GCNT4: variants seen among roughly 807,000 people sequenced by gnomAD.
GCNT4 encodes the protein glucosaminyl (N-acetyl) transferase 4.
A neutral mutation model predicts 31.3 loss-of-function variants in GCNT4; 17 were observed. The observed-to-expected ratio is 0.54, with a 90% CI of 0.37 to 0.81. The LOEUF (loss-of-function observed/expected upper bound fraction) is 0.81. GCNT4 is among the 40% of genes least tolerant of loss of function. The pLI, the probability that GCNT4 is intolerant of heterozygous loss-of-function variation, is 0.00. For missense variants in GCNT4, 503 were observed against 525.5 expected, an observed-to-expected ratio of 0.96 and a Z score of 0.42; for synonymous variants, 158 against 190.6, an observed-to-expected ratio of 0.83 and a Z score of 1.41.
chr5:75,030,479 C>T (rs1361727181), intron 3 of GCNT4: 1 of 171,638 alleles, frequency 5.8e-6, no homozygotes, highest in Non-Finnish European at 1.4e-5. Context: ...CCTCCAGATC[C>T]CTATTAGATC....
Position 75,028,769 on chromosome 5 carries a change from G to A in GCNT4, c.1269C>T (p.Cys423=). The change falls in exon 4 of 4, where the codon TGC becomes TGT. Residue 423 remains cysteine (C), a synonymous_variant. Coordinates refer to ENST00000652361, the MANE Select transcript of GCNT4 (RefSeq NM_001366737.1). ...DSKVDPILIK[C]LAEKLEEQQR... Reference sequence around the variant, plus strand: ...GCTGTTCTTCAAGCTTTTCTGCCAAGCATTTAATCAAGATAGGGTCCACCT... The same window carrying A: ...GCTGTTCTTCAAGCTTTTCTGCCAAACATTTAATCAAGATAGGGTCCACCT... 6.2e-7 allele frequency: 1 copy of A among 1,613,946 alleles called. No individual in the cohort carries two copies. Among genetic ancestry groups the A allele is most frequent in the African/African-American group, 1.3e-5 (1 of 75,044 alleles).
At chr5:75,053,279 G>A (rs371266068), upstream of GCNT4, among the ~76,000 whole-genome samples, 13 of 152,042 alleles carry the variant, frequency 8.6e-5, no homozygotes, top group South Asian at 2.7e-3. Flanking sequence ...GTGGCCCCGG[G>A]GCTCCTGCAG....
chr5:75,017,127 A>G, the GCNT4 span, among the ~76,000 whole-genome samples: 3 of 152,224 alleles, frequency 2.0e-5, no homozygotes, highest in Admixed American at 2.0e-4. Flanking sequence ...CGTGATGCCT[A>G]GCATCTAATA....
chr5:75,050,745 C>T (rs138522306), intron 2 of GCNT4, among the ~76,000 whole-genome samples: 1 of 142,580 alleles, frequency 7.0e-6, no homozygotes, highest in East Asian at 1.9e-4. Context: ...CATCTGCTCT[C>T]ACACCCTACA....
At chr5:75,042,664 T>C (rs1475561474) in intron 3 of GCNT4, among the ~76,000 whole-genome samples, 2 of 152,208 alleles carry the variant, frequency 1.3e-5, no homozygotes, top group African/African-American at 4.8e-5. Context: ...ATCATCACCC[T>C]GAAAACCCTG....
In GCNT4 at chr5:75,027,344, G is replaced by A. The variant is rs1191033395; in HGVS notation, c.*1332C>T. The A allele has an allele frequency of 1.8e-4, 6 of 33,708 alleles. No individual in the cohort carries two copies. In the East Asian group the frequency reaches 3.2e-3, roughly 18 times the overall value. The allele number at this position is 33,708 out of a possible 1,614,324, so 2.1% of individuals were successfully genotyped here. ...TAATATATATTCATATACAATATAT[G>A]TATATATAATATATATATTTATATA... On this transcript the variant is annotated 3_prime_UTR_variant, in exon 4 of 4. Coordinates refer to ENST00000652361, the MANE Select transcript of GCNT4 (RefSeq NM_001366737.1).
chr5:75,020,020 C>G, the GCNT4 span, among the ~76,000 whole-genome samples: 1 of 152,056 alleles, frequency 6.6e-6, no homozygotes, highest in Non-Finnish European at 1.5e-5. Flanking sequence ...GTGATAATGG[C>G]TTAGTGGTTA....
At chr5:75,050,304 G>A (rs1222705969) in intron 2 of GCNT4, among the ~76,000 whole-genome samples, 1 of 152,192 alleles carries the variant, frequency 6.6e-6, no homozygotes, top group Non-Finnish European at 1.5e-5. Flanking sequence ...ACATGAGCTT[G>A]ATATCAAAAT....
At chr5:75,031,153 C>A (rs571904845) in intron 3 of GCNT4, among the ~76,000 whole-genome samples, 1 of 151,744 alleles carries the variant, frequency 6.6e-6, no homozygotes, top group South Asian at 2.1e-4. Context: ...TGGCTCAATG[C>A]AGCCTTGAAC....
chr5:75,037,893 CAAAAAACAA>C (rs1287717413), intron 3 of GCNT4, among the ~76,000 whole-genome samples: 7 of 130,670 alleles, frequency 5.4e-5, no homozygotes, highest in South Asian at 5.0e-4. Flanking sequence ...AAAAACAAAA[CAAAAAACAA>C]AAAAAACAAA....
At chr5:75,021,009 A>G (rs1224053679), downstream of GCNT4, among the ~76,000 whole-genome samples, 2 of 152,172 alleles carry the variant, frequency 1.3e-5, no homozygotes, top group Non-Finnish European at 2.9e-5. Flanking sequence ...TATGACTACA[A>G]GGTAGTTTTT....
At chr5:75,047,164 T>G (rs9293640) in intron 3 of GCNT4, among the ~76,000 whole-genome samples, 27,391 of 152,114 alleles carry the variant, frequency 0.18, 3,542 homozygotes, top group African/African-American at 0.37. Context: ...GGCTCCCCTG[T>G]CACATAAAAC....
At chr5:75,033,680 T>A (rs1044226807) in intron 3 of GCNT4, among the ~76,000 whole-genome samples, 1 of 125,790 alleles carries the variant, frequency 7.9e-6, no homozygotes, top group African/African-American at 2.9e-5. Context: ...TTTATTTTTT[T>A]TTTTTTACTT....
Position 75,025,988 on chromosome 5 carries a change from A to C in GCNT4, c.*2688T>G, listed in dbSNP as rs1371061296. The C allele has an allele frequency of 6.6e-6, 1 of 152,246 alleles. No homozygotes were observed. The highest frequency in any genetic ancestry group is 2.4e-5 in the African/African-American group (1 of 41,466). The allele number at this position is 152,246 out of a possible 1,614,324, so 9.4% of individuals were successfully genotyped here. On this transcript the variant is annotated 3_prime_UTR_variant, in exon 4 of 4. Transcript: ENST00000652361. ...GGAGGAAATCATACCCAAAGGTTTT[A>C]GGGAAGAATCAGATATGAAGGCGTA...
Position 75,029,846 on chromosome 5 carries a change from C to T in GCNT4, c.192G>A (p.Lys64=). The change falls in exon 4 of 4, where the codon AAG becomes AAA. Residue 64 remains lysine (K), a synonymous_variant. Coordinates refer to ENST00000652361, the MANE Select transcript of GCNT4 (RefSeq NM_001366737.1). ...AGTTAACTTCATACCTGACTTCATC[C>T]TTAACATGAGTGTATCTGTTTCTTA... is the stretch of plus-strand genomic sequence containing the variant. ...PFVRNRYTHV[K]DEVRYEVNCS... 1 of 1,614,112 alleles carries T rather than the reference C, an allele frequency of 6.2e-7. No homozygotes were observed. The highest frequency in any genetic ancestry group is 8.5e-7 in the Non-Finnish European group (1 of 1,180,012).
upstream of GCNT4, among the ~76,000 whole-genome samples, chr5:75,053,257 C>T (rs1021106740): frequency 6.6e-6 from 1 of 151,930 alleles, no homozygotes; most frequent in Non-Finnish European, 1.5e-5. Context: ...TGTCCGTCCG[C>T]CGCGCGCTCT....
chr5:75,028,825 C>A lies in GCNT4; in HGVS notation c.1213G>T (p.Gly405Ter), dbSNP rs1319868092. The change falls in exon 4 of 4, where the codon GGA (glycine) becomes TGA (stop). Residue 405 changes from glycine to a stop codon, truncating the protein, a stop_gained. Transcript: ENST00000652361. LOFTEE classifies it high-confidence loss of function. ...AAELRWLIKD[G>*]HWFANKFDSK... ...TCAAATTTATTAGCAAACCAATGTC[C>A]ATCTTTGATAAGCCACCTTAATTCT... 1.9e-6 allele frequency: 3 copies of A among 1,613,932 alleles called. No homozygotes were observed. The East Asian group carries it at 6.7e-5, about 36-fold the overall frequency.
chr5:75,049,965 A>G (rs1743531867), intron 2 of GCNT4, among the ~76,000 whole-genome samples: 1 of 152,216 alleles, frequency 6.6e-6, no homozygotes, highest in Non-Finnish European at 1.5e-5. Flanking sequence ...TGCTTGCATA[A>G]TGCACACAGG....
intron 3 of GCNT4, among the ~76,000 whole-genome samples, chr5:75,040,846 T>C (rs1743300594): frequency 6.6e-6 from 1 of 152,244 alleles, no homozygotes; most frequent in Admixed American, 6.5e-5. Context: ...TTTTTGTTAA[T>C]ATCTGGAGTA....
Sources: allele counts gnomAD v4.1 joint callset (sites outside exome capture counted in the v4.1 genomes callset), GRCh38; gene constraint gnomAD v4.1.1; transcripts MANE v1.5; gene names NCBI Gene and HGNC (gene_info 2026-07-23, HGNC 2026-07-21).